Variants in FGGY observed in about 807,000 individuals in gnomAD.
FGGY encodes the protein FGGY carbohydrate kinase domain containing.
Under a neutral mutation model 71.3 loss-of-function variants are expected in FGGY, and 72 were observed. That is an observed-to-expected ratio of 1.01 (90% CI 0.84 to 1.23). The LOEUF (loss-of-function observed/expected upper bound fraction) is 1.23. Ranked by LOEUF, FGGY falls within the 50% of genes most tolerant of loss-of-function variation. The probability of loss-of-function intolerance (pLI) is 0.00; values close to 1 mark genes in which losing one functional copy is unlikely to be tolerated. For missense variants in FGGY, 668 were observed against 682.3 expected, an observed-to-expected ratio of 0.98 and a Z score of 0.23; for synonymous variants, 251 against 250.3, an observed-to-expected ratio of 1.00 and a Z score of -0.02.
intron 7 of FGGY, among the ~76,000 whole-genome samples, chr1:59,533,817 A>G (rs912320361): frequency 4.6e-5 from 7 of 152,234 alleles, no homozygotes; most frequent in Admixed American, 2.6e-4. Context: ...CATCCACACC[A>G]AAATCCCATC....
chr1:59,399,565 T>C (rs34558212), intron 5 of FGGY, among the ~76,000 whole-genome samples: 10,209 of 152,230 alleles, frequency 0.067, 458 homozygotes, highest in Non-Finnish European at 0.095. Flanking sequence ...GTTTCATCAT[T>C]TGTAATAGGG....
intron 7 of FGGY, among the ~76,000 whole-genome samples, chr1:59,533,680 TC>T: frequency 6.6e-6 from 1 of 151,778 alleles, no homozygotes; most frequent in East Asian, 1.9e-4. Context: ...CTTAAGTGGG[TC>T]CCTGACCCCT....
chr1:59,368,939 T>C (rs1557690813), intron 4 of FGGY, among the ~76,000 whole-genome samples: 1 of 152,026 alleles, frequency 6.6e-6, no homozygotes, highest in South Asian at 2.1e-4. Context: ...GGAGCCAAGA[T>C]GGCTGAACAG....
chr1:59,720,230 C>T (rs1361980036), intron 14 of FGGY, among the ~76,000 whole-genome samples: 1 of 152,154 alleles, frequency 6.6e-6, no homozygotes, highest in Admixed American at 6.5e-5. Context: ...CCAATGCATG[C>T]TTTGCAAGTT....
intron 6 of FGGY, among the ~76,000 whole-genome samples, chr1:59,486,023 C>T (rs555494020): frequency 1.3e-5 from 2 of 152,264 alleles, no homozygotes; most frequent in African/African-American, 4.8e-5. Context: ...AGACTTGTTG[C>T]TAATTATGTT....
intron 6 of FGGY, among the ~76,000 whole-genome samples, chr1:59,483,324 A>G (rs901647427): frequency 6.6e-6 from 1 of 152,148 alleles, no homozygotes; most frequent in Non-Finnish European, 1.5e-5. Context: ...TACTGAGTAT[A>G]CCCTTTGCAG....
At chr1:59,678,028 G>A (rs2097453959) in intron 14 of FGGY, among the ~76,000 whole-genome samples, 1 of 152,150 alleles carries the variant, frequency 6.6e-6, no homozygotes, top group Non-Finnish European at 1.5e-5. Flanking sequence ...CCCCTCTTTA[G>A]AAAGGGTGTT....
chr1:59,554,259 C>T, intron 8 of FGGY, 32 bp downstream of exon 8: 1 of 1,557,738 alleles, frequency 6.4e-7, no homozygotes, highest in Non-Finnish European at 8.8e-7. Flanking sequence ...GCAAGGCCAC[C>T]ACACAGCAGG....
chr1:59,331,554 T>TG (rs1394575905), intron 2 of FGGY, among the ~76,000 whole-genome samples: 1 of 152,146 alleles, frequency 6.6e-6, no homozygotes, highest in Non-Finnish European at 1.5e-5. Flanking sequence ...AAATTTCACT[T>TG]GCATCTTGCA....
At chr1:59,545,877 T>C (rs2095512242) in intron 7 of FGGY, among the ~76,000 whole-genome samples, 2 of 152,178 alleles carry the variant, frequency 1.3e-5, no homozygotes, top group African/African-American at 4.8e-5. Flanking sequence ...CAGATTTTGG[T>C]TTATTCTTAA....
intron 10 of FGGY, among the ~76,000 whole-genome samples, chr1:59,636,388 G>A (rs773534067): frequency 1.3e-4 from 20 of 152,168 alleles, no homozygotes; most frequent in East Asian, 3.9e-4. Context: ...TTGGGAGGCC[G>A]AGGTGGGCAG....
chr1:59,482,574 G>A (rs1344526753), intron 6 of FGGY, among the ~76,000 whole-genome samples: 1 of 148,542 alleles, frequency 6.7e-6, no homozygotes, highest in Non-Finnish European at 1.5e-5. Flanking sequence ...ATATATATGT[G>A]TGTGTGTGTG....
intron 11 of FGGY, among the ~76,000 whole-genome samples, chr1:59,654,758 T>C (rs975629731): frequency 4.6e-5 from 7 of 152,154 alleles, no homozygotes; most frequent in Non-Finnish European, 7.4e-5. Flanking sequence ...AAAGGTTCAG[T>C]AAATCTAGAG....
At chr1:59,451,290 T>C (rs969662908) in intron 5 of FGGY, among the ~76,000 whole-genome samples, 1 of 152,016 alleles carries the variant, frequency 6.6e-6, no homozygotes, top group Non-Finnish European at 1.5e-5. Flanking sequence ...GTTTTCTGTG[T>C]ACCCCTTCTC....
At chr1:59,586,341 G>A (rs1325310860) in intron 8 of FGGY, among the ~76,000 whole-genome samples, 1 of 151,956 alleles carries the variant, frequency 6.6e-6, no homozygotes, top group African/African-American at 2.4e-5. Context: ...TAAAAAATGA[G>A]TTCATGTCCT....
intron 5 of FGGY, among the ~76,000 whole-genome samples, chr1:59,418,305 A>G (rs1264721850): frequency 6.6e-6 from 1 of 152,192 alleles, no homozygotes; most frequent in African/African-American, 2.4e-5. Flanking sequence ...CAACTATTGA[A>G]CTGTAACCAA....
At chr1:59,633,588 T>C (rs1200834807) in intron 10 of FGGY, among the ~76,000 whole-genome samples, 1 of 151,918 alleles carries the variant, frequency 6.6e-6, no homozygotes, top group East Asian at 1.9e-4. Flanking sequence ...TTTTAGATGG[T>C]GTGGGAGTAA....
chr1:59,625,521 A>G (rs2096848037), intron 9 of FGGY, among the ~76,000 whole-genome samples: 1 of 152,116 alleles, frequency 6.6e-6, no homozygotes, highest in African/African-American at 2.4e-5. Flanking sequence ...AACCCTCATC[A>G]TAGTCTCTTT....
chr1:59,623,306 T>C (rs949771155), intron 9 of FGGY, among the ~76,000 whole-genome samples: 22 of 152,320 alleles, frequency 1.4e-4, no homozygotes, highest in Non-Finnish European at 2.9e-4. Flanking sequence ...TAAACTCTTA[T>C]GACATTCAAG....
Sources: gnomAD v4.1 joint callset for allele counts (sites outside exome capture counted in the v4.1 genomes callset) on GRCh38, gnomAD v4.1.1 for gene constraint, MANE v1.5 for transcripts, NCBI Gene and HGNC (gene_info 2026-07-23, HGNC 2026-07-21) for gene names.